Variants in HPSE observed in about 807,000 individuals in gnomAD.
HPSE encodes endo-glucoronidase.
In HPSE, 48 loss-of-function variants were observed where a neutral mutation model predicts 65.1. That is an observed-to-expected ratio of 0.74 (90% CI 0.58 to 0.94). The LOEUF is 0.94. HPSE is among the 40% of genes least tolerant of loss of function. The probability of loss-of-function intolerance (pLI) is 0.00; values close to 1 mark genes in which losing one functional copy is unlikely to be tolerated. For missense variants in HPSE, 644 were observed against 637.5 expected (o/e 1.01, Z -0.11); for synonymous variants, 243 against 260.0 (o/e 0.93, Z 0.63).
chr4:83,297,494 T>C (rs1735777496), intron 11 of HPSE, among the ~76,000 whole-genome samples: 1 of 152,238 alleles, frequency 6.6e-6, no homozygotes, highest in Non-Finnish European at 1.5e-5. Context: ...GGTGTGAGTA[T>C]ATTAGTTTAT....
chr4:83,310,060 T>A lies in HPSE; in HGVS notation c.861A>T (p.Gly287=). The A allele has an allele frequency of 6.2e-7, 1 of 1,611,022 alleles. No homozygotes were observed. Among genetic ancestry groups the A allele is most frequent in the South Asian group, 1.1e-5 (1 of 90,832 alleles). Residue 287 remains glycine (G), a synonymous_variant, in exon 6 of 12, where the codon GGA becomes GGT. Transcript: ENST00000311412. ...KMLKSFLKAG[G]EVIDSVTWHH... is the part of the protein sequence containing the mutation. ...GCCATGTAACTGAATCAATCACTTC[T>A]CCACCAGCCTTCAGGAAGCTAGAAA...
intron 11 of HPSE, 62 bp downstream of exon 11, chr4:83,300,898 C>A (rs531485890): frequency 7.4e-5 from 81 of 1,092,460 alleles, no homozygotes; most frequent in Non-Finnish European, 1.0e-4. Context: ...TCCAAACTCT[C>A]TATTCTGATA....
At position 83,318,006 on chromosome 4, in the gene HPSE, C is replaced by T. The variant is rs112109907; in HGVS notation, c.499+1338G>A. Among the ~76,000 whole-genome samples the T allele has an allele frequency of 2.6e-3, 394 of 152,204 alleles. 3 individuals carry two copies. Among genetic ancestry groups the T allele is most frequent in the African/African-American group, 8.3e-3 (345 of 41,524 alleles). ...GGACAACATTAGCTATTAGCATATG[C>T]GCTATTTTTTGATTTCTTATGGAAC... is the stretch of plus-strand genomic sequence containing the variant. On this transcript the variant is annotated intron_variant, in intron 3 of 11. Coordinates refer to ENST00000311412, the MANE Select transcript of HPSE (RefSeq NM_001098540.3).
At chr4:83,317,755 G>A (rs1164939529) in intron 3 of HPSE, among the ~76,000 whole-genome samples, 1 of 152,010 alleles carries the variant, frequency 6.6e-6, no homozygotes, top group Non-Finnish European at 1.5e-5. Flanking sequence ...TGTGTTTTAA[G>A]AGCAAATCCA....
In HPSE at chr4:83,309,394, A is replaced by G. The variant is rs552720199; in HGVS notation, c.984+8T>C. 1.2e-4 allele frequency: 174 copies of G among 1,437,490 alleles called. 2 individuals are homozygous for G. The South Asian group carries it at 2.0e-3, about 16-fold the overall frequency. 89.0% of individuals were successfully genotyped at this position (1,437,490 alleles called of 1,614,324 possible). On this transcript the variant is annotated splice_region_variant and intron_variant, in intron 7 of 11. Transcript: ENST00000311412. ...GTTTTACATTAAAAAGTTTAAAAAG[A>G]CTATTACCTGGAAAACTTTTTGCAC... is the stretch of plus-strand genomic sequence containing the variant.
At chr4:83,306,916 T>C (rs920968705) in intron 8 of HPSE, among the ~76,000 whole-genome samples, 1 of 152,162 alleles carries the variant, frequency 6.6e-6, no homozygotes, top group African/African-American at 2.4e-5. Flanking sequence ...AGATCAGTGC[T>C]TGAGATATCT....
intron 2 of HPSE, among the ~76,000 whole-genome samples, chr4:83,319,933 T>A (rs1364103624): frequency 6.8e-6 from 1 of 147,642 alleles, no homozygotes; most frequent in East Asian, 2.0e-4. Context: ...GGCAGGAGAA[T>A]CACTTCAACC....
At chr4:83,319,256 C>G in intron 3 of HPSE, 88 bp downstream of exon 3, 2 of 1,323,818 alleles carry the variant, frequency 1.5e-6, no homozygotes, top group African/African-American at 1.5e-5. Context: ...ATACAACTTC[C>G]GTAGGACTTG....
intron 1 of HPSE, among the ~76,000 whole-genome samples, chr4:83,332,394 G>A (rs770543358): frequency 1.3e-5 from 2 of 152,242 alleles, no homozygotes; most frequent in African/African-American, 2.4e-5. Context: ...GGGTGTGCTT[G>A]TCGATGCGTC....
At position 83,308,920 on chromosome 4, in the gene HPSE, A is replaced by G. The variant is rs1427401012; in HGVS notation, c.1016T>C (p.Val339Ala). 2 of 1,613,998 alleles carry G rather than the reference A, an allele frequency of 1.2e-6. No individual in the cohort carries two copies. Among genetic ancestry groups the G allele is most frequent in the African/African-American group, 2.7e-5 (2 of 74,910 alleles). The change falls in exon 8 of 12, where the codon GTC becomes GCC. Residue 339 changes from valine to alanine, a missense_variant. Val to Ala is a moderately conservative substitution (Grantham distance 64, BLOSUM62 0). Coordinates refer to ENST00000311412, the MANE Select transcript of HPSE (RefSeq NM_001098540.3). ...VVESTRPGKK[V>A]WLGETSSAYG... ...TGCAGAGCTTGTTTCTCCTAACCAG[A>G]CCTTCTTGCCAGGCCTGGTGCTCTC...
intron 4 of HPSE, among the ~76,000 whole-genome samples, chr4:83,312,005 T>C (rs941205145): frequency 6.6e-6 from 1 of 152,148 alleles, no homozygotes; most frequent in Non-Finnish European, 1.5e-5. Context: ...TTGACCCACG[T>C]AGGATTCTAT....
intron 1 of HPSE, among the ~76,000 whole-genome samples, chr4:83,333,075 G>T (rs116776343): frequency 0.011 from 1,681 of 152,262 alleles, 29 homozygotes; most frequent in African/African-American, 0.038. Flanking sequence ...AGAAAGTAAG[G>T]ATTCTTCCCC....
intron 3 of HPSE, among the ~76,000 whole-genome samples, chr4:83,315,911 T>C (rs1237099263): frequency 6.6e-6 from 1 of 152,250 alleles, no homozygotes; most frequent in Non-Finnish European, 1.5e-5. Flanking sequence ...CCAAATGCAC[T>C]TGGAATTTAC....
At chr4:83,320,728 G>A (rs1398592980) in intron 2 of HPSE, among the ~76,000 whole-genome samples, 1 of 152,200 alleles carries the variant, frequency 6.6e-6, no homozygotes, top group South Asian at 2.1e-4. Context: ...GGCGGCTGGT[G>A]CCTCATCCAT....
At chr4:83,298,025 G>C (rs1206454717) in intron 11 of HPSE, among the ~76,000 whole-genome samples, 1 of 152,296 alleles carries the variant, frequency 6.6e-6, no homozygotes, top group South Asian at 2.1e-4. Context: ...ACATGGGCAA[G>C]ATATTATACC....
rs80122687 is a variant in HPSE, at chr4:83,295,315, T to C, written c.*29A>G. ...CTTTACTCTTAGTATACTTGAAAAATTCAGTGTCAGGACTAGTATATTTTA... is the reference window on the plus strand; with the variant it reads ...CTTTACTCTTAGTATACTTGAAAAACTCAGTGTCAGGACTAGTATATTTTA... On this transcript the variant is annotated 3_prime_UTR_variant, in exon 12 of 12. Coordinates refer to ENST00000311412, the MANE Select transcript of HPSE (RefSeq NM_001098540.3). The C allele has an allele frequency of 4.0e-4, 627 of 1,562,716 alleles. 2 individuals are homozygous for C. The African/African-American group carries it at 7.2e-3, about 18-fold the overall frequency.
chr4:83,319,213 C>T, intron 3 of HPSE, 131 bp downstream of exon 3: 1 of 904,848 alleles, frequency 1.1e-6, no homozygotes, highest in Non-Finnish European at 1.7e-6. Context: ...TTAGGATTTC[C>T]CATTTGGGAA....
rs575848103 is a variant in HPSE at position 83,322,222 on chromosome 4, G to A, written c.370C>T (p.Gln124Ter). 66 of 1,612,450 alleles carry A rather than the reference G, an allele frequency of 4.1e-5. No individual in the cohort carries two copies. The Admixed American group carries it at 4.2e-4, about 10-fold the overall frequency. Residue 124 changes from glutamine (Q) to a stop codon, truncating the protein, a stop_gained, in exon 2 of 12, where the codon CAG (glutamine) becomes TAG (stop). Coordinates refer to ENST00000311412, the MANE Select transcript of HPSE (RefSeq NM_001098540.3). LOFTEE classifies it high-confidence loss of function. ...ERSYWQSQVN[Q>*]DICKYGSIPP... The stretch of plus-strand genomic sequence containing the variant: ...GTGAATCTTTAAAAATTTTCACCCT[G>A]GTTGACTTGAGATTGCCAGTAACTT...
At position 83,309,513 on chromosome 4, in the gene HPSE, T is replaced by C; in HGVS notation, c.891-18A>G. 7.7e-7 allele frequency: 1 copy of C among 1,291,426 alleles called. No individual in the cohort carries two copies. Among genetic ancestry groups the C allele is most frequent in the Non-Finnish European group, 1.1e-6 (1 of 903,132 alleles). 80.0% of individuals were successfully genotyped at this position (1,291,426 alleles called of 1,614,324 possible). On this transcript the variant is annotated intron_variant, in intron 6 of 11. Transcript: ENST00000311412. Reference sequence around the variant, plus strand: ...AATAGTAGCTAAATTACACAGAAAATATTCAGAAAAAAAATAACAAATTTT... The same window carrying C: ...AATAGTAGCTAAATTACACAGAAAACATTCAGAAAAAAAATAACAAATTTT...
Sources: allele counts gnomAD v4.1 joint callset (sites outside exome capture counted in the v4.1 genomes callset), GRCh38; gene constraint gnomAD v4.1.1; transcripts MANE v1.5; gene names NCBI Gene and HGNC (gene_info 2026-07-23, HGNC 2026-07-21).